TAFA1: variants seen among roughly 807,000 people sequenced by gnomAD.
TAFA1 encodes the protein TAFA chemokine like family member 1.
A neutral mutation model predicts 18.5 loss-of-function variants in TAFA1; 4 were observed. The ratio of observed to expected loss-of-function variants is 0.22; its 90% CI spans 0.11 to 0.49. The LOEUF (loss-of-function observed/expected upper bound fraction) is 0.49. Among genes scored for constraint, TAFA1 ranks in the 20% least tolerant of loss-of-function variants. The probability of loss-of-function intolerance (pLI) is 0.98; values close to 1 mark genes in which losing one functional copy is unlikely to be tolerated. For synonymous variants in TAFA1, 56 were observed against 55.2 expected, an observed-to-expected ratio of 1.01 and a Z score of -0.06; for missense variants, 147 against 169.0, an observed-to-expected ratio of 0.87 and a Z score of 0.72.
At chr3:68,360,294 C>T (rs2069445462) in intron 2 of TAFA1, among the ~76,000 whole-genome samples, 1 of 151,946 alleles carries the variant, frequency 6.6e-6, no homozygotes, top group African/African-American at 2.4e-5. Flanking sequence ...ACATGCAAGA[C>T]TTTTATGATT....
intron 3 of TAFA1, among the ~76,000 whole-genome samples, chr3:68,464,582 T>C (rs1320515402): frequency 8.5e-5 from 13 of 152,054 alleles, no homozygotes; most frequent in Non-Finnish European, 5.9e-5. Flanking sequence ...GATGTAGAAC[T>C]GAGGAAAGCC....
chr3:68,272,595 G>C (rs891519900), intron 2 of TAFA1, among the ~76,000 whole-genome samples: 2 of 152,124 alleles, frequency 1.3e-5, no homozygotes, highest in African/African-American at 4.8e-5. Flanking sequence ...TTTTTAAAAA[G>C]AAAGGTATTA....
chr3:68,104,125 T>G (rs539131401), intron 2 of TAFA1, among the ~76,000 whole-genome samples: 46 of 152,276 alleles, frequency 3.0e-4, no homozygotes, highest in Admixed American at 5.9e-4. Flanking sequence ...ATAATAACTC[T>G]CACATTCTGT....
chr3:68,496,738 C>T (rs1374398290), intron 3 of TAFA1, among the ~76,000 whole-genome samples: 2 of 152,068 alleles, frequency 1.3e-5, no homozygotes, highest in South Asian at 2.1e-4. Context: ...CTGGCTCTGC[C>T]GTAATTATGC....
chr3:68,203,146 C>T (rs558096005), intron 2 of TAFA1, among the ~76,000 whole-genome samples: 1 of 151,782 alleles, frequency 6.6e-6, no homozygotes, highest in African/African-American at 2.4e-5. Context: ...TGTGTAGTTT[C>T]TGAAGGGAAG....
At chr3:68,309,196 A>T (rs925172110) in intron 2 of TAFA1, among the ~76,000 whole-genome samples, 5 of 152,176 alleles carry the variant, frequency 3.3e-5, no homozygotes, top group Non-Finnish European at 1.5e-5. Flanking sequence ...TCTGTTTACC[A>T]CTGGATCCTT....
At chr3:68,480,293 C>G (rs1429003710) in intron 3 of TAFA1, among the ~76,000 whole-genome samples, 1 of 151,446 alleles carries the variant, frequency 6.6e-6, no homozygotes. Context: ...ATCCCAGCTA[C>G]TTGGGAGGCT....
At chr3:68,108,062 C>G (rs892505536) in intron 2 of TAFA1, among the ~76,000 whole-genome samples, 3 of 152,016 alleles carry the variant, frequency 2.0e-5, no homozygotes, top group African/African-American at 7.2e-5. Flanking sequence ...ACATTATGTT[C>G]TAATACTTCT....
intron 2 of TAFA1, among the ~76,000 whole-genome samples, chr3:68,023,424 A>G (rs925125011): frequency 7.2e-5 from 11 of 152,140 alleles, no homozygotes; most frequent in African/African-American, 2.7e-4. Context: ...AGTAACTTGC[A>G]TCACAACTCA....
intron 2 of TAFA1, among the ~76,000 whole-genome samples, chr3:68,037,502 T>C (rs1705077598): frequency 6.6e-6 from 1 of 152,216 alleles, no homozygotes; most frequent in African/African-American, 2.4e-5. Flanking sequence ...GTCTAGGTGT[T>C]AATATTTTAT....
At chr3:68,295,299 A>G (rs958358671) in intron 2 of TAFA1, among the ~76,000 whole-genome samples, 1 of 152,218 alleles carries the variant, frequency 6.6e-6, no homozygotes, top group Non-Finnish European at 1.5e-5. Context: ...GATGATTATA[A>G]ATCCTAAAGT....
chr3:68,483,636 T>C (rs1221214172), intron 3 of TAFA1, among the ~76,000 whole-genome samples: 1 of 152,114 alleles, frequency 6.6e-6, no homozygotes, highest in East Asian at 1.9e-4. Flanking sequence ...CAGGGAGATG[T>C]GGTTGGAAGA....
At chr3:68,235,061 A>G (rs1380240297) in intron 2 of TAFA1, among the ~76,000 whole-genome samples, 3 of 152,138 alleles carry the variant, frequency 2.0e-5, no homozygotes, top group Non-Finnish European at 4.4e-5. Context: ...TGGAGTTCTG[A>G]AGGTATTGCT....
intron 2 of TAFA1, among the ~76,000 whole-genome samples, chr3:68,042,656 A>G (rs9799363): frequency 0.13 from 19,109 of 152,250 alleles, 1,455 homozygotes; most frequent in East Asian, 0.37. Context: ...TCTCAAACAC[A>G]CAAACAAAAA....
chr3:68,025,832 C>G (rs1215453322), intron 2 of TAFA1, among the ~76,000 whole-genome samples: 3 of 152,164 alleles, frequency 2.0e-5, no homozygotes, highest in African/African-American at 7.2e-5. Context: ...ACCCTCATCT[C>G]AGAACTGCAC....
chr3:68,494,717 A>G (rs1248472167), intron 3 of TAFA1, among the ~76,000 whole-genome samples: 7 of 152,194 alleles, frequency 4.6e-5, no homozygotes, highest in Admixed American at 6.5e-5. Flanking sequence ...TTTAGAAGAA[A>G]ATTAAACTAT....
chr3:68,214,865 G>T (rs1165711831), intron 2 of TAFA1, among the ~76,000 whole-genome samples: 1 of 151,814 alleles, frequency 6.6e-6, no homozygotes, highest in Non-Finnish European at 1.5e-5. Flanking sequence ...TTTTTTAAGT[G>T]GGAAGAAAAG....
At chr3:68,097,781 G>T (rs1160450126) in intron 2 of TAFA1, among the ~76,000 whole-genome samples, 2 of 152,088 alleles carry the variant, frequency 1.3e-5, no homozygotes, top group African/African-American at 4.8e-5. Context: ...ATGAAAGAAG[G>T]ATTACTAGAG....
Position 68,544,502 on chromosome 3 carries a change from A to C in TAFA1, c.401A>C (p.Ter134SerextTer6). The C allele has an allele frequency of 6.2e-7, 1 of 1,612,482 alleles. No individual in the cohort carries two copies. Among genetic ancestry groups the C allele is most frequent in the Non-Finnish European group, 8.5e-7 (1 of 1,178,910 alleles). ...TGGTTTCAGATTCACCCAAGAACCT[A>C]ACAGAAGCATTTGTGGTAGTAAAGG... is the stretch of plus-strand genomic sequence containing the variant. ...IKTTRIHPRT[*>S] The change falls in exon 5 of 5, where the codon TAA becomes TCA. Residue 134 changes from the stop codon to serine (S), a stop_lost. Transcript: ENST00000478136.
Sources: gnomAD v4.1 joint callset for allele counts (sites outside exome capture counted in the v4.1 genomes callset) on GRCh38, gnomAD v4.1.1 for gene constraint, MANE v1.5 for transcripts, NCBI Gene and HGNC (gene_info 2026-07-23, HGNC 2026-07-21) for gene names.